The following PIEZO2 variants were observed in gnomAD, a reference collection of about 807,000 sequenced individuals.
PIEZO2 encodes the protein piezo type mechanosensitive ion channel component 2.
In PIEZO2, 172 loss-of-function variants were observed where a neutral mutation model predicts 337.3. The observed-to-expected ratio is 0.51, with a 90% CI of 0.45 to 0.58. The LOEUF (loss-of-function observed/expected upper bound fraction) is 0.58. PIEZO2 is among the 20% of genes least tolerant of loss of function. PIEZO2 has a pLI of 0.00. For synonymous variants in PIEZO2, 1,251 were observed against 1,228.5 expected, an observed-to-expected ratio of 1.02 and a Z score of -0.38; for missense variants, 3,028 against 3,391.3, an observed-to-expected ratio of 0.89 and a Z score of 2.66.
At chr18:10,692,125 T>C (rs1000184267) in intron 47 of PIEZO2, among the ~76,000 whole-genome samples, 3 of 152,016 alleles carry the variant, frequency 2.0e-5, no homozygotes, top group African/African-American at 7.2e-5. Context: ...TGAAGAGACA[T>C]AGTATTGTAC....
chr18:11,113,153 A>C (rs552150300), intron 1 of PIEZO2, among the ~76,000 whole-genome samples: 1 of 152,228 alleles, frequency 6.6e-6, no homozygotes, highest in Non-Finnish European at 1.5e-5. Flanking sequence ...AACAGTTAAC[A>C]TCTTCTCCCA....
chr18:10,943,823 G>A lies in PIEZO2; in HGVS notation c.287-32595C>T, dbSNP rs1317107724. Among the ~76,000 whole-genome samples, 2 of 152,178 alleles carry A rather than the reference G, an allele frequency of 1.3e-5. No individual in the cohort carries two copies. The highest frequency in any genetic ancestry group is 2.9e-5 in the Non-Finnish European group (2 of 68,022). On this transcript the variant is annotated intron_variant, in intron 3 of 55. Coordinates refer to ENST00000674853, the MANE Select transcript of PIEZO2 (RefSeq NM_001378183.1). The surrounding 1 kb of genome is among the most constrained non-coding windows in gnomAD (Gnocchi z 4.5). ...GTGAGAGTTGCAGAAGGGACCCGGTGGGAGATGACTGAATCATGGGAGCAA... is the reference window on the plus strand; with the variant it reads ...GTGAGAGTTGCAGAAGGGACCCGGTAGGAGATGACTGAATCATGGGAGCAA...
chr18:10,753,293 A>T (rs2037714888), intron 27 of PIEZO2, among the ~76,000 whole-genome samples: 1 of 152,160 alleles, frequency 6.6e-6, no homozygotes, highest in Non-Finnish European at 1.5e-5. Flanking sequence ...TGTTGAACAC[A>T]AAGCTTTTAT....
chr18:10,768,746 T>C (rs187858065), intron 21 of PIEZO2, among the ~76,000 whole-genome samples: 64 of 152,336 alleles, frequency 4.2e-4, no homozygotes, highest in South Asian at 8.3e-4. Flanking sequence ...AGATATTCTG[T>C]TTACTTGATG....
chr18:10,727,130 G>A lies in PIEZO2; in HGVS notation c.5029+4277C>T. 1 of 446,022 alleles carries A rather than the reference G, an allele frequency of 2.2e-6. No homozygotes were observed. The highest frequency in any genetic ancestry group is 3.9e-6 in the Non-Finnish European group (1 of 256,220). 27.6% of individuals were successfully genotyped at this position (446,022 alleles called of 1,614,324 possible). Reference sequence around the variant, plus strand: ...TCCCTTGCTAGCCTCCCTGGGGCCTGGGGATCTGCAGCAGCATGTCTGGCA... The same window carrying A: ...TCCCTTGCTAGCCTCCCTGGGGCCTAGGGATCTGCAGCAGCATGTCTGGCA... On this transcript the variant is annotated intron_variant, in intron 36 of 55. Transcript: ENST00000674853. This position sits in a 1 kb window ranked among gnomAD's most constrained non-coding sequence, Gnocchi z 6.3.
In PIEZO2 at chr18:10,854,339, T is replaced by C. The variant is rs1470537307; in HGVS notation, c.917+1014A>G. ...TGATCACACCTTTGGAAAGATGTTA[T>C]TTTTTTTCTTTGCAATTAGCAAGCA... On this transcript the variant is annotated intron_variant, in intron 7 of 55. Coordinates refer to ENST00000674853, the MANE Select transcript of PIEZO2 (RefSeq NM_001378183.1). The surrounding 1 kb of genome is among the most constrained non-coding windows in gnomAD (Gnocchi z 4.6). Among the ~76,000 whole-genome samples, 1 of 152,096 alleles carries C rather than the reference T, an allele frequency of 6.6e-6. No individual in the cohort carries two copies. Among genetic ancestry groups the C allele is most frequent in the Admixed American group, 6.6e-5 (1 of 15,266 alleles).
At position 10,675,904 on chromosome 18, in the gene PIEZO2, G is replaced by A. The variant is rs1305711169; in HGVS notation, c.8082-616C>T. Among the ~76,000 whole-genome samples the A allele has an allele frequency of 2.0e-5, 3 of 152,152 alleles. No individual in the cohort carries two copies. In the East Asian group the frequency reaches 5.8e-4, roughly 29 times the overall value. On this transcript the variant is annotated intron_variant, in intron 53 of 55. Transcript: ENST00000674853. ...CACGTGCTCCCTTGCCCACCGCCAT[G>A]TAAGATGTGCCTTTACTCCTCCTTC...
intron 9 of PIEZO2, among the ~76,000 whole-genome samples, chr18:10,802,590 C>T (rs375474355): frequency 8.0e-4 from 122 of 152,192 alleles, no homozygotes; most frequent in African/African-American, 2.7e-3. Context: ...CATCTGCTTC[C>T]GTATTCAATC....
Position 10,969,384 on chromosome 18 carries a change from G to GAT in PIEZO2, c.286+10150_286+10151insAT, listed in dbSNP as rs1209014598. The stretch of plus-strand genomic sequence containing the variant: ...TACAGCAAGGACTGGTCGGCATGGT[G>GAT]GGGAGCAGACGGGCGTGAGGATCAT... On this transcript the variant is annotated intron_variant, in intron 3 of 55. Transcript: ENST00000674853. This position sits in a 1 kb window ranked among gnomAD's most constrained non-coding sequence, Gnocchi z 4.5. 1.2e-4 allele frequency among the ~76,000 whole-genome samples: 13 copies of GAT among 109,354 alleles called. No homozygotes were observed. The highest frequency in any genetic ancestry group is 2.3e-4 in the Non-Finnish European group (11 of 47,414). 71.7% of individuals were successfully genotyped at this position (109,354 alleles called of 152,430 possible).
Position 10,672,619 on chromosome 18 carries a change from C to T in PIEZO2, c.8345+71G>A. The T allele has an allele frequency of 6.7e-7, 1 of 1,501,002 alleles. No homozygotes were observed. Among genetic ancestry groups the T allele is most frequent in the Non-Finnish European group, 9.0e-7 (1 of 1,105,924 alleles). 93.0% of individuals were successfully genotyped at this position (1,501,002 alleles called of 1,614,324 possible). ...TAGCGAATTCTAAGAAGATAAAAGG[C>T]TTCCCACTCTCAACTTTACATGATA... On this transcript the variant is annotated intron_variant, in intron 55 of 55. Transcript: ENST00000674853. The surrounding 1 kb of genome is among the most constrained non-coding windows in gnomAD (Gnocchi z 4.7).
intron 2 of PIEZO2, among the ~76,000 whole-genome samples, chr18:11,055,452 G>A (rs2037696103): frequency 6.6e-6 from 1 of 152,122 alleles, no homozygotes; most frequent in Non-Finnish European, 1.5e-5. Context: ...AGTTAAGGGG[G>A]TGAGGGAAGA....
intron 1 of PIEZO2, among the ~76,000 whole-genome samples, chr18:11,147,507 G>A (rs907010986): frequency 1.3e-5 from 2 of 152,240 alleles, no homozygotes; most frequent in South Asian, 4.1e-4. Context: ...CCTCGGTCAA[G>A]ATGCAGAGTC....
intron 2 of PIEZO2, among the ~76,000 whole-genome samples, chr18:11,058,544 G>C (rs1282952496): frequency 2.0e-5 from 3 of 152,130 alleles, no homozygotes; most frequent in African/African-American, 7.2e-5. Flanking sequence ...TTAGACGAAA[G>C]GCTAACTAGA....
rs1170240280 is a variant in PIEZO2 at position 10,940,072 on chromosome 18, C to T, written c.287-28844G>A. 6.6e-6 allele frequency among the ~76,000 whole-genome samples: 1 copy of T among 152,104 alleles called. No individual in the cohort carries two copies. Among genetic ancestry groups the T allele is most frequent in the Non-Finnish European group, 1.5e-5 (1 of 68,030 alleles). ...ATACTCTGGGGACAGTGAGTTTCCCCTCATCAGAAACAAACTCCAGGGAGT... is the reference window on the plus strand; with the variant it reads ...ATACTCTGGGGACAGTGAGTTTCCCTTCATCAGAAACAAACTCCAGGGAGT... On this transcript the variant is annotated intron_variant, in intron 3 of 55. Coordinates refer to ENST00000674853, the MANE Select transcript of PIEZO2 (RefSeq NM_001378183.1). This position sits in a 1 kb window ranked among gnomAD's most constrained non-coding sequence, Gnocchi z 5.3.
intron 3 of PIEZO2, among the ~76,000 whole-genome samples, chr18:10,932,464 T>C (rs896608347): frequency 6.6e-6 from 1 of 152,156 alleles, no homozygotes; most frequent in African/African-American, 2.4e-5. Context: ...GGAAAATATG[T>C]ATCGAGTAGC....
intron 2 of PIEZO2, among the ~76,000 whole-genome samples, chr18:11,044,168 T>C (rs1405096036): frequency 6.7e-6 from 1 of 149,674 alleles, no homozygotes; most frequent in Non-Finnish European, 1.5e-5. Flanking sequence ...ACTATATATA[T>C]ATATACACAC....
intron 5 of PIEZO2, among the ~76,000 whole-genome samples, chr18:10,860,590 G>A (rs1032520874): frequency 6.6e-6 from 1 of 152,122 alleles, no homozygotes; most frequent in Non-Finnish European, 1.5e-5. Flanking sequence ...ATCACAACAG[G>A]TGAGCAACAC....
chr18:10,933,382 A>C (rs571318882), intron 3 of PIEZO2, among the ~76,000 whole-genome samples: 2 of 152,216 alleles, frequency 1.3e-5, no homozygotes, highest in South Asian at 4.1e-4. Context: ...AAGATTACAT[A>C]TTAGAAATAT....
At chr18:10,697,165 G>A (rs2035130278) in intron 45 of PIEZO2, among the ~76,000 whole-genome samples, 2 of 152,102 alleles carry the variant, frequency 1.3e-5, no homozygotes, top group African/African-American at 4.8e-5. Context: ...TCTAACCTTT[G>A]CCCTATCTTT....
Sources: gnomAD v4.1 joint callset for allele counts (sites outside exome capture counted in the v4.1 genomes callset) on GRCh38, gnomAD v4.1.1 for gene constraint, Gnocchi (gnomAD v3.1) non-coding constraint, MANE v1.5 for transcripts, NCBI Gene and HGNC (gene_info 2026-07-23, HGNC 2026-07-21) for gene names.